Variants in HOGA1 observed in about 807,000 individuals in gnomAD.
The protein encoded by HOGA1 is 4-hydroxy-2-oxoglutarate aldolase, mitochondrial.
Under a neutral mutation model 34.3 loss-of-function variants are expected in HOGA1, and 30 were observed. The observed-to-expected ratio is 0.87, with a 90% CI of 0.65 to 1.19. The LOEUF (loss-of-function observed/expected upper bound fraction) is 1.19, where lower values mean the gene tolerates loss of function less well. Ranked by LOEUF, HOGA1 falls within the 50% of genes most tolerant of loss-of-function variation. The pLI is 0.00. For synonymous variants in HOGA1, 161 were observed against 174.0 expected (o/e 0.93, Z 0.59); for missense variants, 417 against 436.5 (o/e 0.96, Z 0.40).
intron 1 of HOGA1, among the ~76,000 whole-genome samples, chr10:97,596,967 C>G (rs948670972): frequency 3.9e-5 from 6 of 152,174 alleles, no homozygotes; most frequent in African/African-American, 1.2e-4. Flanking sequence ...GTTAGCTGAC[C>G]ATGTTTCCCT....
At chr10:97,588,199 CTTTTTT>C (rs1221596544) in intron 1 of HOGA1, among the ~76,000 whole-genome samples, 1 of 97,326 alleles carries the variant, frequency 1.0e-5, no homozygotes, top group Non-Finnish European at 2.4e-5. Flanking sequence ...TTTTTTCTTT[CTTTTTT>C]TTTTTTTTTT....
In HOGA1 at chr10:97,596,282, T is replaced by C. The variant is rs111926401; in HGVS notation, c.212-2493T>C. On this transcript the variant is annotated intron_variant, in intron 1 of 6. Coordinates refer to ENST00000370646, the MANE Select transcript of HOGA1 (RefSeq NM_138413.4). ...ACTCCCAGAGTGCAAGCCTCAGCTG[T>C]CCTGCTGTTTAGACCAGCTCCACCT... Among the ~76,000 whole-genome samples, 10 of 152,284 alleles carry C rather than the reference T, an allele frequency of 6.6e-5. 1 individual carries two copies. Among genetic ancestry groups the C allele is most frequent in the African/African-American group, 2.2e-4 (9 of 41,564 alleles).
At chr10:97,590,222 A>G (rs2041008341) in intron 1 of HOGA1, 16 of 1,613,750 alleles carry the variant, frequency 9.9e-6, no homozygotes, top group African/African-American at 1.3e-5. Flanking sequence ...GATCCAAGAG[A>G]TCCACCAGGA....
At position 97,601,933 on chromosome 10, in the gene HOGA1, G is replaced by C; in HGVS notation, c.777G>C (p.Thr259=). The C allele has an allele frequency of 6.2e-7, 1 of 1,613,184 alleles. No individual in the cohort carries two copies. Among genetic ancestry groups the C allele is most frequent in the Non-Finnish European group, 8.5e-7 (1 of 1,179,962 alleles). ...QVCQLERLCC[T]GQWEDAQKLQ... Reference sequence around the variant, plus strand: ...GCCAGCTGGAGCGACTGTGCTGCACGGGGCAATGGGAAGATGCCCAGAAAC... The same window carrying C: ...GCCAGCTGGAGCGACTGTGCTGCACCGGGCAATGGGAAGATGCCCAGAAAC... The change falls in exon 6 of 7, where the codon ACG becomes ACC. Residue 259 remains threonine (T), a synonymous_variant. Transcript: ENST00000370646.
intron 1 of HOGA1, among the ~76,000 whole-genome samples, chr10:97,585,901 G>A (rs2040967148): frequency 6.6e-6 from 1 of 152,196 alleles, no homozygotes; most frequent in Non-Finnish European, 1.5e-5. Flanking sequence ...CACTTTGGGA[G>A]GCCGAGGCGG....
chr10:97,609,148 G>A (rs1477715383), intron 6 of HOGA1, among the ~76,000 whole-genome samples: 3 of 152,148 alleles, frequency 2.0e-5, no homozygotes, highest in South Asian at 2.1e-4. Context: ...GGCACAGGCC[G>A]TCCTGCACAT....
intron 5 of HOGA1, chr10:97,600,412 G>T: frequency 1.8e-6 from 1 of 568,136 alleles, no homozygotes; most frequent in Non-Finnish European, 3.2e-6. Flanking sequence ...GATGCCTGCA[G>T]TTTGTTCTGA....
At chr10:97,604,542 T>A (rs2041143103) in intron 6 of HOGA1, among the ~76,000 whole-genome samples, 1 of 151,844 alleles carries the variant, frequency 6.6e-6, no homozygotes, top group Non-Finnish European at 1.5e-5. Flanking sequence ...CAGGCTGGTC[T>A]CAAACTCCTG....
Position 97,603,503 on chromosome 10 carries a change from C to T in HOGA1, c.834+1513C>T, listed in dbSNP as rs1163240058. 2.0e-5 allele frequency among the ~76,000 whole-genome samples: 3 copies of T among 152,072 alleles called. No individual in the cohort carries two copies. The highest frequency in any genetic ancestry group is 4.4e-5 in the Non-Finnish European group (3 of 68,022). On this transcript the variant is annotated intron_variant, in intron 6 of 6. Transcript: ENST00000370646. This position sits in a 1 kb window ranked among gnomAD's most constrained non-coding sequence, Gnocchi z 4.5. ...TCAGCCTCCCAAAATGCTGAGATTA[C>T]AGGCATGAGCCACCATGACTGGCCT...
chr10:97,598,665 A>C, intron 1 of HOGA1, 110 bp from the exon 2 acceptor site: 1 of 1,410,248 alleles, frequency 7.1e-7, no homozygotes, highest in Admixed American at 1.7e-5. Context: ...TCTGTCTGCA[A>C]AGATGGGAAG....
Position 97,599,680 on chromosome 10 carries a change from G to A in HOGA1, c.469G>A (p.Val157Ile). The A allele has an allele frequency of 6.2e-7, 1 of 1,614,070 alleles. No individual in the cohort carries two copies. The highest frequency in any genetic ancestry group is 1.7e-5 in the Admixed American group (1 of 60,024). Residue 157 changes from valine (V) to isoleucine (I), a missense_variant and splice_region_variant, in exon 4 of 7, where the codon GTT becomes ATT. Val to Ile is a conservative substitution (Grantham distance 29). Transcript: ENST00000370646. Reference protein sequence around the residue: ...SAALIHHYTKVADLSPIPVVL... With the variant: ...SAALIHHYTKIADLSPIPVVL... ...CTTTTCTCTGCGCCCCCCTCCCCAG[G>A]TTGCTGATCTCTCTCCAATCCCTGT...
chr10:97,594,490 G>T (rs1261273545), intron 1 of HOGA1, among the ~76,000 whole-genome samples: 1 of 151,944 alleles, frequency 6.6e-6, no homozygotes, highest in Non-Finnish European at 1.5e-5. Context: ...GAGTAACTGG[G>T]ATTACAGGTG....
At chr10:97,594,905 A>G (rs1239641764) in intron 1 of HOGA1, among the ~76,000 whole-genome samples, 5 of 152,196 alleles carry the variant, frequency 3.3e-5, no homozygotes, top group Non-Finnish European at 7.3e-5. Flanking sequence ...GGTGCTGTCC[A>G]TGGGGAAATA....
At chr10:97,587,562 G>T (rs1039307888) in intron 1 of HOGA1, among the ~76,000 whole-genome samples, 1 of 152,110 alleles carries the variant, frequency 6.6e-6, no homozygotes, top group African/African-American at 2.4e-5. Flanking sequence ...AGGCTGGAGT[G>T]CAGTGGCATG....
intron 1 of HOGA1, chr10:97,589,679 T>G: frequency 7.8e-6 from 3 of 387,036 alleles, no homozygotes; most frequent in South Asian, 2.6e-5. Flanking sequence ...GTTGAGGTGG[T>G]GGGGGGCACC....
rs1237654117 is a variant in HOGA1 at position 97,584,664 on chromosome 10, C to T, written c.-40C>T. ...GAAAGAGTTCAAACTAAGTCTCACT[C>T]TGGGACATAGACCAATTGTGCTTCA... On this transcript the variant is annotated 5_prime_UTR_variant, in exon 1 of 7. Coordinates refer to ENST00000370646, the MANE Select transcript of HOGA1 (RefSeq NM_138413.4). 14 of 1,522,260 alleles carry T rather than the reference C, an allele frequency of 9.2e-6. No individual in the cohort carries two copies. The highest frequency in any genetic ancestry group is 1.2e-5 in the Non-Finnish European group (13 of 1,107,092). 94.3% of individuals were successfully genotyped at this position (1,522,260 alleles called of 1,614,324 possible). A position where few individuals can be genotyped will look rare whatever the true frequency, so the allele number is the denominator to read the frequency against.
intron 1 of HOGA1, among the ~76,000 whole-genome samples, chr10:97,585,730 C>T (rs1051443271): frequency 6.6e-6 from 1 of 152,236 alleles, no homozygotes; most frequent in African/African-American, 2.4e-5. Context: ...TACTCCCTCG[C>T]TGACTCTCAT....
chr10:97,598,727 T>C (rs2041089846), intron 1 of HOGA1, 48 bp from the exon 2 acceptor site: 11 of 1,611,226 alleles, frequency 6.8e-6, no homozygotes, highest in East Asian at 4.5e-5. Flanking sequence ...AATGTCCTAG[T>C]TGTTCGGTAG....
rs77550196 is a variant in HOGA1 at position 97,603,204 on chromosome 10, A to T, written c.834+1214A>T. Among the ~76,000 whole-genome samples the T allele has an allele frequency of 6.6e-6, 1 of 151,918 alleles. No individual in the cohort carries two copies. Among genetic ancestry groups the T allele is most frequent in the East Asian group, 1.9e-4 (1 of 5,164 alleles). ...TTTTTAGTAGAGACGGGGTTTCACCATGTTGGCCAGGCTGGCCTCAAACTC... is the reference window on the plus strand; with the variant it reads ...TTTTTAGTAGAGACGGGGTTTCACCTTGTTGGCCAGGCTGGCCTCAAACTC... On this transcript the variant is annotated intron_variant, in intron 6 of 6. Transcript: ENST00000370646. This position sits in a 1 kb window ranked among gnomAD's most constrained non-coding sequence, Gnocchi z 4.5.
Sources: gnomAD v4.1 joint callset for allele counts (sites outside exome capture counted in the v4.1 genomes callset) on GRCh38, gnomAD v4.1.1 for gene constraint, Gnocchi (gnomAD v3.1) non-coding constraint, MANE v1.5 for transcripts, NCBI Gene and HGNC (gene_info 2026-07-23, HGNC 2026-07-21) for gene names.